Variants in MTO1 observed in about 807,000 individuals in gnomAD.
MTO1 encodes 5-taurinomethyluridine-[tRNA] synthase subunit MTO1, mitochondrial.
A neutral mutation model predicts 71.6 loss-of-function variants in MTO1; 46 were observed. That is an observed-to-expected ratio of 0.64 (90% CI 0.51 to 0.82). The LOEUF is 0.82. Ranked by LOEUF, MTO1 falls within the 40% of genes least tolerant of loss-of-function variation. The probability of loss-of-function intolerance (pLI) is 0.00; values close to 1 mark genes in which losing one functional copy is unlikely to be tolerated. For missense variants in MTO1, 773 were observed against 867.5 expected, an observed-to-expected ratio of 0.89 and a Z score of 1.37; for synonymous variants, 297 against 312.1, an observed-to-expected ratio of 0.95 and a Z score of 0.51.
chr6:73,469,750 A>G (rs1388067262), intron 3 of MTO1, among the ~76,000 whole-genome samples: 2 of 152,210 alleles, frequency 1.3e-5, no homozygotes, highest in Non-Finnish European at 2.9e-5. Flanking sequence ...TCACGCCTGT[A>G]ATCCCAGCAC....
chr6:73,464,835 CAAAAAAAAAAAAAAA>C (rs70996805), intron 1 of MTO1, among the ~76,000 whole-genome samples: 3 of 28,354 alleles, frequency 1.1e-4, no homozygotes, highest in African/African-American at 1.4e-4. Context: ...AACTCTGTCT[CAAAAAAAAAAAAAAA>C]AAAAAAAAAA....
At chr6:73,475,389 T>C (rs954280751) in intron 4 of MTO1, among the ~76,000 whole-genome samples, 1 of 152,004 alleles carries the variant, frequency 6.6e-6, no homozygotes, top group Non-Finnish European at 1.5e-5. Context: ...TTCAAGCAAT[T>C]CTCCTGCCTC....
intron 9 of MTO1, among the ~76,000 whole-genome samples, chr6:73,488,807 A>G (rs1163395997): frequency 1.3e-5 from 2 of 152,128 alleles, no homozygotes; most frequent in African/African-American, 4.8e-5. Flanking sequence ...AGTCCCAGCT[A>G]CTGAGCGGGC....
intron 11 of MTO1, among the ~76,000 whole-genome samples, chr6:73,500,098 C>T (rs1019143188): frequency 5.3e-5 from 8 of 152,174 alleles, no homozygotes; most frequent in Non-Finnish European, 2.9e-5. Flanking sequence ...CTCCCAGGCT[C>T]AAGTGATCCT....
At position 73,497,760 on chromosome 6, in the gene MTO1, A is replaced by G; in HGVS notation, c.1781A>G (p.His594Arg). The change falls in exon 11 of 12, where the codon CAT becomes CGT. Residue 594 changes from histidine to arginine, a missense_variant. Physicochemically the swap from His to Arg is conservative, Grantham distance 29. Coordinates refer to ENST00000498286, the MANE Select transcript of MTO1 (RefSeq NM_012123.4). ...IEATYESVLF[H>R]QLQEIKGVQQ... ...GCCACTTATGAATCAGTGTTGTTCC[A>G]TCAACTACAAGAAATAAAGGGAGTT... 1 of 1,613,970 alleles carries G rather than the reference A, an allele frequency of 6.2e-7. No individual in the cohort carries two copies.
Position 73,462,102 on chromosome 6 carries a change from G to A in MTO1, c.217+31G>A, listed in dbSNP as rs375900883. On this transcript the variant is annotated intron_variant, in intron 1 of 11. Transcript: ENST00000498286. ...GAGCGCGGGTGCTGTGGAACTTGGC[G>A]TAGGACGCAGGCTGCTTCCTTCCCG... 32 of 1,605,604 alleles carry A rather than the reference G, an allele frequency of 2.0e-5. 2 individuals are homozygous for A. The South Asian group carries it at 3.5e-4, about 18-fold the overall frequency.
At chr6:73,493,350 A>ATGTATGTGTGTGTG (rs1554150432) in intron 10 of MTO1, among the ~76,000 whole-genome samples, 1 of 46,312 alleles carries the variant, frequency 2.2e-5, no homozygotes, top group Non-Finnish European at 4.2e-5. Flanking sequence ...TGAAATGTGC[A>ATGTATGTGTGTGTG]TGTATGTGTG....
intron 3 of MTO1, among the ~76,000 whole-genome samples, chr6:73,472,532 T>A (rs146053951): frequency 1.3e-5 from 2 of 152,330 alleles, no homozygotes; most frequent in African/African-American, 4.8e-5. Context: ...CATATTAGCC[T>A]TCTTACTCAT....
At chr6:73,484,674 G>A (rs1017592785) in intron 9 of MTO1, among the ~76,000 whole-genome samples, 7 of 152,162 alleles carry the variant, frequency 4.6e-5, no homozygotes, top group Non-Finnish European at 4.4e-5. Flanking sequence ...TGTAGTGTAA[G>A]CAGTTTAAAA....
intron 4 of MTO1, among the ~76,000 whole-genome samples, chr6:73,478,215 C>T (rs1771385653): frequency 6.7e-6 from 1 of 149,012 alleles, no homozygotes; most frequent in Non-Finnish European, 1.5e-5. Flanking sequence ...CACTGCACTT[C>T]AGCCTGGCGA....
rs1772257108 is a variant in MTO1 at position 73,505,377 on chromosome 6, G to A, written c.*4642G>A. The stretch of plus-strand genomic sequence containing the variant: ...TACAGCATGGATAAACCTTGAAAAA[G>A]TTATGCTAACTGAAATCAGCCAGTC... On this transcript the variant is annotated 3_prime_UTR_variant, in exon 12 of 12. Coordinates refer to ENST00000498286, the MANE Select transcript of MTO1 (RefSeq NM_012123.4). The A allele has an allele frequency of 6.6e-6, 1 of 152,178 alleles. No homozygotes were observed. The highest frequency in any genetic ancestry group is 1.5e-5 in the Non-Finnish European group (1 of 68,056). The allele number at this position is 152,178 out of a possible 1,614,324, so 9.4% of individuals were successfully genotyped here.
chr6:73,465,985 A>G lies in MTO1; in HGVS notation c.218-224A>G, dbSNP rs1033971360. Among the ~76,000 whole-genome samples the G allele has an allele frequency of 4.1e-4, 63 of 152,114 alleles. 1 individual carries two copies. Among genetic ancestry groups the G allele is most frequent in the Admixed American group, 1.2e-3 (18 of 15,260 alleles). ...GGTGACAGAGTGAGACTCCATCTTA[A>G]AAAAAACAAAAGGAAGTTCAGGAAG... On this transcript the variant is annotated intron_variant, in intron 1 of 11. Transcript: ENST00000498286.
Position 73,492,365 on chromosome 6 carries a change from T to C in MTO1, c.1756+13T>C. 6.5e-7 allele frequency: 1 copy of C among 1,548,224 alleles called. No individual in the cohort carries two copies. Among genetic ancestry groups the C allele is most frequent in the Non-Finnish European group, 8.9e-7 (1 of 1,120,620 alleles). On this transcript the variant is annotated intron_variant, in intron 10 of 11. Coordinates refer to ENST00000498286, the MANE Select transcript of MTO1 (RefSeq NM_012123.4). ...CTGAAAATAGAAGGTAGAAAATAAT[T>C]TTTGACTTAACATACCTTTATCATA...
chr6:73,461,821 T>A lies in MTO1; in HGVS notation c.-34T>A. ...TAAGTTTTTTTGACCGTCACTCGTG[T>A]CAGCTTCAAAGTCAGATAGATTTTT... On this transcript the variant is annotated 5_prime_UTR_variant, in exon 1 of 12. Coordinates refer to ENST00000498286, the MANE Select transcript of MTO1 (RefSeq NM_012123.4). 1 of 1,597,914 alleles carries A rather than the reference T, an allele frequency of 6.3e-7. No homozygotes were observed. The highest frequency in any genetic ancestry group is 8.6e-7 in the Non-Finnish European group (1 of 1,166,814).
rs755211627 is a variant in MTO1, at chr6:73,480,087, T to A, written c.1090T>A (p.Cys364Ser). Residue 364 changes from cysteine to serine, a missense_variant, in exon 6 of 12, where the codon TGC becomes AGC. Coordinates refer to ENST00000498286, the MANE Select transcript of MTO1 (RefSeq NM_012123.4). ...TGAGTTACAAGAGAAAATGATCACA[T>A]GCATCAGAGGCTTGGAGAAAGCTAA... The part of the protein sequence containing the change: ...PAELQEKMIT[C>S]IRGLEKAKVI... The A allele has an allele frequency of 1.4e-5, 22 of 1,614,112 alleles. 1 individual carries two copies. Among genetic ancestry groups the A allele is most frequent in the Non-Finnish European group, 1.9e-5 (22 of 1,180,016 alleles).
intron 3 of MTO1, among the ~76,000 whole-genome samples, 196 bp from the exon 4 acceptor site, chr6:73,473,169 C>G (rs1271245428): frequency 6.6e-6 from 1 of 152,186 alleles, no homozygotes; most frequent in African/African-American, 2.4e-5. Context: ...ATCTCAGCTA[C>G]TCGGGAGGCT....
intron 9 of MTO1, among the ~76,000 whole-genome samples, chr6:73,483,784 A>ATT (rs35787647): frequency 4.4e-4 from 46 of 104,060 alleles, no homozygotes; most frequent in Admixed American, 9.7e-4. Context: ...ACACCTGGCT[A>ATT]TTTTTTTTTT....
chr6:73,477,945 A>G (rs1771375772), intron 4 of MTO1, among the ~76,000 whole-genome samples: 1 of 152,038 alleles, frequency 6.6e-6, no homozygotes, highest in Non-Finnish European at 1.5e-5. Context: ...ACTTTTACCT[A>G]TCTCTCGAGT....
intron 7 of MTO1, among the ~76,000 whole-genome samples, chr6:73,481,484 C>T (rs1052272195): frequency 2.0e-5 from 3 of 151,236 alleles, no homozygotes; most frequent in South Asian, 2.1e-4. Context: ...AAAGATTAAC[C>T]GGCTGGGCAT....
Sources: gnomAD v4.1 joint callset for allele counts (sites outside exome capture counted in the v4.1 genomes callset) on GRCh38, gnomAD v4.1.1 for gene constraint, MANE v1.5 for transcripts, NCBI Gene and HGNC (gene_info 2026-07-23, HGNC 2026-07-21) for gene names.